Variants in BRCA2 observed in about 807,000 individuals in gnomAD.
BRCA2 encodes the protein BRCA2 DNA repair associated.
A neutral mutation model predicts 276.7 loss-of-function variants in BRCA2; 203 were observed. The observed-to-expected ratio is 0.73, with a 90% CI of 0.65 to 0.82. The LOEUF is 0.82. Ranked by LOEUF, BRCA2 falls within the 40% of genes least tolerant of loss-of-function variation. BRCA2 has a pLI of 0.00. For synonymous variants in BRCA2, 1,289 were observed against 1,338.4 expected, an observed-to-expected ratio of 0.96 and a Z score of 0.81; for missense variants, 3,920 against 3,915.0, an observed-to-expected ratio of 1.00 and a Z score of -0.03.
chr13:32,329,387 A>G (rs1566220489), intron 7 of BRCA2, 56 bp from the exon 8 acceptor site: 17 of 1,303,522 alleles, frequency 1.3e-5, no homozygotes, highest in Non-Finnish European at 1.5e-5. Context: ...CTGACAAAAA[A>G]TAAGTTTTTG....
chr13:32,385,175 C>T, intron 24 of BRCA2: 1 of 205,660 alleles, frequency 4.9e-6, no homozygotes. Flanking sequence ...GCAGTGGCTG[C>T]TGAAAACCCT....
chr13:32,319,081 A>T lies in BRCA2; in HGVS notation c.72A>T (p.Leu24Phe), dbSNP rs397507909. The T allele has an allele frequency of 9.9e-6, 16 of 1,612,434 alleles. No individual in the cohort carries two copies. The stretch of plus-strand genomic sequence containing the variant: ...TGGGATTTTTTTTTTAAATAGATTT[A>T]GGACCAATAAGTCTTAATTGGTTTG... ...IFKTRCNKAD[L>F]GPISLNWFEE... Residue 24 changes from leucine to phenylalanine, a missense_variant, in exon 3 of 27, where the codon TTA becomes TTT. Around this residue, in one of 2 missense-constraint regions of BRCA2, gnomAD observed 3,263 missense variants for 3,156.9 expected, o/e 1.03. Coordinates refer to ENST00000380152, the MANE Select transcript of BRCA2 (RefSeq NM_000059.4).
rs143233595 is a variant in BRCA2 at position 32,343,174 on chromosome 13, A to G, written c.6842-1384A>G. ...ACTGCATTAGGTTAACCTTATACATACCTATATTAGGTATGTATTTGGTTT... is the reference window on the plus strand; with the variant it reads ...ACTGCATTAGGTTAACCTTATACATGCCTATATTAGGTATGTATTTGGTTT... On this transcript the variant is annotated intron_variant, in intron 11 of 26. Transcript: ENST00000380152. 3.8e-3 allele frequency among the ~76,000 whole-genome samples: 572 copies of G among 152,132 alleles called. 2 individuals carry two copies. The highest frequency in any genetic ancestry group is 8.6e-3 in the Admixed American group (132 of 15,276).
At chr13:32,390,196 G>C (rs2072987350) in intron 24 of BRCA2, among the ~76,000 whole-genome samples, 1 of 152,148 alleles carries the variant, frequency 6.6e-6, no homozygotes, top group Non-Finnish European at 1.5e-5. Context: ...AAAATCTTCA[G>C]TGGTCCCCTG....
chr13:32,384,721 T>C, intron 24 of BRCA2: 1 of 242,482 alleles, frequency 4.1e-6, no homozygotes, highest in Non-Finnish European at 9.1e-6. Context: ...AGATGTTACT[T>C]TACATGGGAG....
rs80359003 is a variant in BRCA2 at position 32,357,881 on chromosome 13, G to A, written c.7757G>A (p.Trp2586Ter). ...GKGIQLADGG[W>*]LIPSNDGKAG... The stretch of plus-strand genomic sequence containing the variant: ...GGAATACAGTTGGCTGATGGTGGAT[G>A]GCTCATACCCTCCAATGATGGAAAG... Residue 2586 changes from tryptophan to a stop codon, truncating the protein, a stop_gained, in exon 16 of 27, where the codon TGG becomes TAG. Coordinates refer to ENST00000380152, the MANE Select transcript of BRCA2 (RefSeq NM_000059.4). LOFTEE classifies it high-confidence loss of function. The A allele has an allele frequency of 9.9e-6, 16 of 1,614,062 alleles. No individual in the cohort carries two copies. The highest frequency in any genetic ancestry group is 1.4e-5 in the Non-Finnish European group (16 of 1,180,010).
rs2137654624 is a variant in BRCA2, at chr13:32,394,931, G to A, written c.9499G>A (p.Glu3167Lys). ...ATTCAACAAAATGAAAAATACTGTT[G>A]AGGTAAGGTTACTTTTCAGCATCAC... ...ETFNKMKNTV[E>K]NIDILCNEAE... is the part of the protein sequence containing the mutation. Residue 3167 changes from glutamate (E) to lysine (K), a missense_variant and splice_region_variant, in exon 25 of 27, where the codon GAG becomes AAG. Glu to Lys is a moderately conservative substitution (Grantham distance 56, BLOSUM62 1). This residue lies in a region of BRCA2 where 657 missense variants were observed against 758.2 expected (regional missense o/e 0.87). Coordinates refer to ENST00000380152, the MANE Select transcript of BRCA2 (RefSeq NM_000059.4). The A allele has an allele frequency of 1.9e-6, 3 of 1,613,938 alleles. No individual in the cohort carries two copies. The highest frequency in any genetic ancestry group is 1.6e-4 in the Middle Eastern group (1 of 6,062).
chr13:32,331,407 A>G (rs974795294), intron 9 of BRCA2, among the ~76,000 whole-genome samples: 4 of 152,086 alleles, frequency 2.6e-5, no homozygotes, highest in Admixed American at 1.3e-4. Flanking sequence ...TTTATCTCAA[A>G]GTATTGAGAG....
chr13:32,346,143 A>G (rs1490369575), intron 12 of BRCA2, among the ~76,000 whole-genome samples: 1 of 151,944 alleles, frequency 6.6e-6, no homozygotes. Context: ...TAGAGTTTTT[A>G]TTCACCCACC....
chr13:32,339,357 G>A lies in BRCA2; in HGVS notation c.5002G>A (p.Ala1668Thr), dbSNP rs587782182. 6.3e-7 allele frequency: 1 copy of A among 1,590,682 alleles called. No individual in the cohort carries two copies. Among genetic ancestry groups the A allele is most frequent in the African/African-American group, 1.4e-5 (1 of 73,768 alleles). ...QSPYSVIENSALAFYTSCSRK... is the reference protein window; with the variant it reads ...QSPYSVIENSTLAFYTSCSRK... ...CCCTTATTCAGTCATTGAAAATTCAGCCTTAGCTTTTTACACAAGTTGTAG... is the reference window on the plus strand; with the variant it reads ...CCCTTATTCAGTCATTGAAAATTCAACCTTAGCTTTTTACACAAGTTGTAG... Residue 1668 changes from alanine (A) to threonine (T), a missense_variant, in exon 11 of 27, where the codon GCC (alanine) becomes ACC (threonine). By Grantham distance (58) the Ala-to-Thr change is moderately conservative. Coordinates refer to ENST00000380152, the MANE Select transcript of BRCA2 (RefSeq NM_000059.4).
rs1064794018 is a variant in BRCA2, at chr13:32,332,968, C to T, written c.1490C>T (p.Ser497Leu). Residue 497 changes from serine to leucine, a missense_variant, in exon 10 of 27, where the codon TCA becomes TTA. Physicochemically the swap from Ser to Leu is moderately radical, Grantham distance 145 (BLOSUM62 -2). Coordinates refer to ENST00000380152, the MANE Select transcript of BRCA2 (RefSeq NM_000059.4). Reference protein sequence around the residue: ...AISGTSPVASSFQGIKKSIFR... With the variant: ...AISGTSPVASLFQGIKKSIFR... Reference sequence around the variant, plus strand: ...TCTGGAACTTCTCCAGTGGCTTCTTCATTTCAGGGTATCAAAAAGTCTATA... The same window carrying T: ...TCTGGAACTTCTCCAGTGGCTTCTTTATTTCAGGGTATCAAAAAGTCTATA... 6.3e-7 allele frequency: 1 copy of T among 1,598,630 alleles called. No individual in the cohort carries two copies. The highest frequency in any genetic ancestry group is 8.5e-7 in the Non-Finnish European group (1 of 1,176,344).
chr13:32,349,074 T>G (rs889417637), intron 13 of BRCA2, among the ~76,000 whole-genome samples: 3 of 151,658 alleles, frequency 2.0e-5, no homozygotes, highest in Non-Finnish European at 4.4e-5. Context: ...ATACAAAAAT[T>G]AGCCAGGCGT....
Position 32,332,681 on chromosome 13 carries a change from AG to A in BRCA2, c.1205del (p.Gly402ValfsTer2), listed in dbSNP as rs397507265. The A allele has an allele frequency of 6.2e-7, 1 of 1,613,814 alleles. No homozygotes were observed. Among genetic ancestry groups the A allele is most frequent in the African/African-American group, 1.3e-5 (1 of 74,932 alleles). On this transcript the variant is annotated frameshift_variant, in exon 10 of 27. Transcript: ENST00000380152. LOFTEE classifies it high-confidence loss of function. ...ACEWSQLTLS[G>X]LNGAQMEKIP... ...GTGAATGGTCTCAACTAACCCTTTC[AG>A]GTCTAAATGGAGCCCAGATGGAGAA...
intron 13 of BRCA2, among the ~76,000 whole-genome samples, chr13:32,353,906 A>G (rs1462352185): frequency 6.6e-6 from 1 of 152,196 alleles, no homozygotes; most frequent in Non-Finnish European, 1.5e-5. Context: ...TGCTATATGT[A>G]GTGTAAAATG....
chr13:32,333,316 T>G lies in BRCA2; in HGVS notation c.1838T>G (p.Leu613Arg), dbSNP rs587780646. 22 of 1,607,052 alleles carry G rather than the reference T, an allele frequency of 1.4e-5. No individual in the cohort carries two copies. The Admixed American group carries it at 3.6e-4, about 26-fold the overall frequency. Residue 613 changes from leucine to arginine, a missense_variant, in exon 10 of 27, where the codon CTA (leucine) becomes CGA (arginine). By Grantham distance (102) the Leu-to-Arg change is moderately radical. Around this residue, in one of 2 missense-constraint regions of BRCA2, gnomAD observed 3,263 missense variants for 3,156.9 expected, o/e 1.03. Transcript: ENST00000380152. ...ATACCGAAAGACCAAAAATCAGAAC[T>G]AATTAACTGTTCAGCCCAGTTTGAA... ...KKIPKDQKSE[L>R]INCSAQFEAN...
intron 12 of BRCA2, among the ~76,000 whole-genome samples, chr13:32,345,190 G>A (rs182608844): frequency 5.9e-5 from 9 of 152,066 alleles, no homozygotes; most frequent in Admixed American, 2.0e-4. Flanking sequence ...GATGTCTGCC[G>A]AATACCCAAG....
chr13:32,368,001 C>CTCTTTTTTTT (rs2072796675), intron 18 of BRCA2, among the ~76,000 whole-genome samples: 2 of 50,728 alleles, frequency 3.9e-5, no homozygotes, highest in Non-Finnish European at 6.8e-5. Flanking sequence ...TCTTCTAATT[C>CTCTTTTTTTT]TTTTTTTTTT....
At chr13:32,360,534 G>A (rs2072731483) in intron 16 of BRCA2, among the ~76,000 whole-genome samples, 1 of 152,030 alleles carries the variant, frequency 6.6e-6, no homozygotes, top group South Asian at 2.1e-4. Flanking sequence ...TGATTTTTGT[G>A]TTTTTAGTAG....
Position 32,344,607 on chromosome 13 carries a change from A to C in BRCA2, c.6891A>C (p.Ile2297=). The C allele has an allele frequency of 6.3e-7, 1 of 1,582,724 alleles. No individual in the cohort carries two copies. Among genetic ancestry groups the C allele is most frequent in the South Asian group, 1.1e-5 (1 of 90,362 alleles). ...RNLLNEFDRI[I]ENQEKSLKAS... ...TATTAAATGAATTTGACAGGATAAT[A>C]GAAAATCAAGAAAAATCCTTAAAGG... is the stretch of plus-strand genomic sequence containing the variant. Residue 2297 remains isoleucine (I), a synonymous_variant, in exon 12 of 27, where the codon ATA becomes ATC. Transcript: ENST00000380152.
Sources: allele counts gnomAD v4.1 joint callset (sites outside exome capture counted in the v4.1 genomes callset), GRCh38; gene constraint gnomAD v4.1.1; regional missense constraint gnomAD v4.1.1; transcripts MANE v1.5; gene names NCBI Gene and HGNC (gene_info 2026-07-23, HGNC 2026-07-21).